NKAIN2: variants seen among roughly 807,000 people sequenced by gnomAD.
NKAIN2 encodes sodium/potassium transporting ATPase interacting 2, also known as sodium/potassium-transporting ATPase subunit beta-1-interacting protein 2.
Under a neutral mutation model 32.6 loss-of-function variants are expected in NKAIN2, and 14 were observed. That is an observed-to-expected ratio of 0.43 (90% CI 0.28 to 0.67). The LOEUF is 0.67. Among genes scored for constraint, NKAIN2 ranks in the 30% least tolerant of loss-of-function variants. The pLI is 0.17. For missense variants in NKAIN2, 198 were observed against 258.3 expected (o/e 0.77, Z 1.60); for synonymous variants, 80 against 87.2 (o/e 0.92, Z 0.46).
At chr6:123,910,049 G>T (rs995425720) in intron 1 of NKAIN2, among the ~76,000 whole-genome samples, 19 of 152,016 alleles carry the variant, frequency 1.2e-4, no homozygotes, top group South Asian at 2.1e-4. Context: ...AAGAGATTTA[G>T]AATACATGGT....
At chr6:124,088,078 T>C (rs978925502) in intron 1 of NKAIN2, among the ~76,000 whole-genome samples, 4 of 152,002 alleles carry the variant, frequency 2.6e-5, no homozygotes, top group Non-Finnish European at 5.9e-5. Flanking sequence ...TTAACAGTAG[T>C]TGTAACAAAG....
intron 2 of NKAIN2, among the ~76,000 whole-genome samples, chr6:124,354,487 G>T (rs769943000): frequency 6.6e-6 from 1 of 152,264 alleles, no homozygotes; most frequent in Non-Finnish European, 1.5e-5. Flanking sequence ...ACTGTAATGG[G>T]AGATAGTGAA....
chr6:124,417,549 CTAAA>C (rs1562171227), intron 3 of NKAIN2, among the ~76,000 whole-genome samples: 11 of 152,016 alleles, frequency 7.2e-5, no homozygotes, highest in South Asian at 4.2e-4. Flanking sequence ...TACTTTGGTT[CTAAA>C]TAAAGTATTC....
chr6:124,635,883 T>C (rs1783754909), intron 3 of NKAIN2, among the ~76,000 whole-genome samples: 1 of 151,962 alleles, frequency 6.6e-6, no homozygotes, highest in Non-Finnish European at 1.5e-5. Flanking sequence ...GGACAGATTA[T>C]CCCGATAGAA....
intron 1 of NKAIN2, among the ~76,000 whole-genome samples, chr6:124,223,077 G>T (rs1791915862): frequency 6.6e-6 from 1 of 151,940 alleles, no homozygotes; most frequent in Non-Finnish European, 1.5e-5. Flanking sequence ...GCCGGGCATG[G>T]TGGCGGGCAC....
chr6:124,547,976 C>T (rs929171951), intron 3 of NKAIN2, among the ~76,000 whole-genome samples: 1 of 152,162 alleles, frequency 6.6e-6, no homozygotes, highest in African/African-American at 2.4e-5. Flanking sequence ...TACTGTCATA[C>T]ATCTGTTTCT....
intron 1 of NKAIN2, among the ~76,000 whole-genome samples, chr6:124,029,359 G>GA (rs1478489146): frequency 6.8e-6 from 1 of 147,578 alleles, no homozygotes; most frequent in East Asian, 2.0e-4. Flanking sequence ...GGACTCGTAG[G>GA]AAAAAAATAA....
At chr6:124,758,658 C>T (rs933456323) in intron 4 of NKAIN2, among the ~76,000 whole-genome samples, 3 of 152,156 alleles carry the variant, frequency 2.0e-5, no homozygotes, top group Non-Finnish European at 4.4e-5. Context: ...CTGTCTCCTA[C>T]ACTATCCATT....
chr6:124,085,605 G>T (rs1784159458), intron 1 of NKAIN2, among the ~76,000 whole-genome samples: 1 of 151,934 alleles, frequency 6.6e-6, no homozygotes. Flanking sequence ...ACTTTATGTG[G>T]TTTTAAGAGG....
intron 5 of NKAIN2, among the ~76,000 whole-genome samples, chr6:124,794,388 G>A (rs1265755924): frequency 1.3e-5 from 2 of 152,066 alleles, no homozygotes; most frequent in Admixed American, 6.5e-5. Context: ...AATTCAAGGC[G>A]ATTCAAAGTC....
chr6:124,013,628 C>T (rs1050178980), intron 1 of NKAIN2, among the ~76,000 whole-genome samples: 25 of 152,222 alleles, frequency 1.6e-4, no homozygotes, highest in Middle Eastern at 3.4e-3. Context: ...TGTCTACGAC[C>T]TAATCCCCAA....
chr6:124,457,709 C>G (rs1776376421), intron 3 of NKAIN2, among the ~76,000 whole-genome samples: 1 of 151,902 alleles, frequency 6.6e-6, no homozygotes, highest in Non-Finnish European at 1.5e-5. Context: ...AACAATTACA[C>G]TGTTTCTCAT....
At chr6:124,609,245 G>A (rs1221205129) in intron 3 of NKAIN2, among the ~76,000 whole-genome samples, 1 of 152,030 alleles carries the variant, frequency 6.6e-6, no homozygotes, top group Non-Finnish European at 1.5e-5. Flanking sequence ...CCCAAGAGGA[G>A]GTTAAAATCC....
intron 1 of NKAIN2, among the ~76,000 whole-genome samples, chr6:124,097,911 G>T (rs532022374): frequency 6.6e-6 from 1 of 152,120 alleles, no homozygotes; most frequent in Non-Finnish European, 1.5e-5. Flanking sequence ...CAACATTTAC[G>T]CTGAAACCTG....
intron 3 of NKAIN2, among the ~76,000 whole-genome samples, chr6:124,605,908 A>AAATTCCAC (rs1479234065): frequency 6.6e-6 from 1 of 152,042 alleles, no homozygotes; most frequent in Non-Finnish European, 1.5e-5. Context: ...TGGAATTACT[A>AAATTCCAC]TAGCAGAGAG....
chr6:124,410,862 G>A (rs1416483499), intron 3 of NKAIN2, among the ~76,000 whole-genome samples: 2 of 152,102 alleles, frequency 1.3e-5, no homozygotes, highest in African/African-American at 2.4e-5. Flanking sequence ...CTTGCTTTAT[G>A]TGCTCCTGTA....
At chr6:124,004,584 C>T (rs1446161046) in intron 1 of NKAIN2, among the ~76,000 whole-genome samples, 1 of 151,554 alleles carries the variant, frequency 6.6e-6, no homozygotes, top group Non-Finnish European at 1.5e-5. Flanking sequence ...TTCATCCAAC[C>T]ATCATTCTCA....
chr6:123,845,329 T>G (rs1401279965), intron 1 of NKAIN2, among the ~76,000 whole-genome samples: 1 of 152,188 alleles, frequency 6.6e-6, no homozygotes, highest in Non-Finnish European at 1.5e-5. Context: ...TTGACATAAA[T>G]AAAATGTAAT....
intron 2 of NKAIN2, among the ~76,000 whole-genome samples, chr6:124,302,711 A>G (rs1013262347): frequency 3.3e-5 from 5 of 152,182 alleles, no homozygotes; most frequent in African/African-American, 1.2e-4. Context: ...TTATCTTCAA[A>G]GGGTTCACAC....
Sources: gnomAD v4.1 joint callset for allele counts (sites outside exome capture counted in the v4.1 genomes callset) on GRCh38, gnomAD v4.1.1 for gene constraint, MANE v1.5 for transcripts, NCBI Gene and HGNC (gene_info 2026-07-23, HGNC 2026-07-21) for gene names.